LRP4: variants seen among roughly 807,000 people sequenced by gnomAD.
The protein encoded by LRP4 is low-density lipoprotein receptor-related protein 4.
A neutral mutation model predicts 220.3 loss-of-function variants in LRP4; 95 were observed. The observed-to-expected ratio is 0.43, with a 90% CI of 0.37 to 0.51. LRP4 has a LOEUF of 0.51. Ranked by LOEUF, LRP4 falls within the 20% of genes least tolerant of loss-of-function variation. LRP4 has a pLI of 0.00. For synonymous variants in LRP4, 903 were observed against 954.6 expected (o/e 0.95, Z 1.00); for missense variants, 1,925 against 2,567.0 (o/e 0.75, Z 5.40).
In LRP4 at chr11:46,888,390, C is replaced by T. The variant is rs183008447; in HGVS notation, c.2215+1021G>A. ...CCAACATGGAGAAACCCCGTCCCTACTAAAAATACAAAATTAGCCAGGTGT... is the reference window on the plus strand; with the variant it reads ...CCAACATGGAGAAACCCCGTCCCTATTAAAAATACAAAATTAGCCAGGTGT... On this transcript the variant is annotated intron_variant, in intron 16 of 37. Coordinates refer to ENST00000378623, the MANE Select transcript of LRP4 (RefSeq NM_002334.4). 6.5e-4 allele frequency among the ~76,000 whole-genome samples: 98 copies of T among 151,426 alleles called. 3 individuals are homozygous for T. The highest frequency in any genetic ancestry group is 2.4e-4 in the Non-Finnish European group (16 of 67,844).
chr11:46,916,735 C>T (rs568200988), intron 1 of LRP4, among the ~76,000 whole-genome samples: 63 of 152,110 alleles, frequency 4.1e-4, no homozygotes, highest in African/African-American at 1.4e-3. Flanking sequence ...TTGCCATTTC[C>T]CTTGATCTTT....
rs1321374132 is a variant in LRP4 at position 46,890,084 on chromosome 11, T to C, written c.1952A>G (p.Asp651Gly). The C allele has an allele frequency of 6.2e-7, 1 of 1,614,078 alleles. No individual in the cohort carries two copies. Among genetic ancestry groups the C allele is most frequent in the East Asian group, 2.2e-5 (1 of 44,866 alleles). Residue 651 changes from aspartate to glycine, a missense_variant, in exon 15 of 38, where the codon GAC becomes GGC. By Grantham distance (94) the Asp-to-Gly change is moderately conservative. Transcript: ENST00000378623. This position sits in a 1 kb window ranked among gnomAD's most constrained non-coding sequence, Gnocchi z 5.3. ...PHPFAITVFEDSLYWTDWHTK... is the reference protein window; with the variant it reads ...PHPFAITVFEGSLYWTDWHTK... ...GTGCCAGTCTGTCCAGTACAGGCTGTCTTCAAACACTGTGATGGCGAAGGG... is the reference window on the plus strand; with the variant it reads ...GTGCCAGTCTGTCCAGTACAGGCTGCCTTCAAACACTGTGATGGCGAAGGG...
chr11:46,869,520 T>C (rs996263661), intron 31 of LRP4, among the ~76,000 whole-genome samples: 1 of 152,154 alleles, frequency 6.6e-6, no homozygotes, highest in Non-Finnish European at 1.5e-5. Flanking sequence ...CTCTAGCAAA[T>C]AGGAGGAAAT....
intron 37 of LRP4, among the ~76,000 whole-genome samples, chr11:46,860,764 A>G (rs1227427448): frequency 6.6e-6 from 1 of 152,186 alleles, no homozygotes; most frequent in Non-Finnish European, 1.5e-5. Flanking sequence ...AAACACACAG[A>G]TGTCTGTTCA....
intron 37 of LRP4, among the ~76,000 whole-genome samples, chr11:46,859,957 G>A (rs997361345): frequency 4.6e-5 from 7 of 152,044 alleles, no homozygotes; most frequent in Admixed American, 4.6e-4. Context: ...TTATCTGGCC[G>A]GGCGTGGTGG....
At chr11:46,902,318 C>T (rs935048130) in intron 2 of LRP4, among the ~76,000 whole-genome samples, 1 of 150,124 alleles carries the variant, frequency 6.7e-6, no homozygotes, top group African/African-American at 2.5e-5. Flanking sequence ...TAGACTGTGC[C>T]CCTGCACTCC....
At chr11:46,872,677 C>G (rs1940902850) in intron 30 of LRP4, among the ~76,000 whole-genome samples, 1 of 151,606 alleles carries the variant, frequency 6.6e-6, no homozygotes, top group Non-Finnish European at 1.5e-5. Flanking sequence ...CAGGGAGGTT[C>G]AGGCTGCAGA....
chr11:46,894,574 G>A lies in LRP4; in HGVS notation c.1540+15C>T. On this transcript the variant is annotated intron_variant, in intron 12 of 37. Coordinates refer to ENST00000378623, the MANE Select transcript of LRP4 (RefSeq NM_002334.4). ...GGCATGGCTCTGCCCCTCTCCATGG[G>A]GCCTTGTTCCCTACCTGGGCTCTCC... 2 of 1,582,180 alleles carry A rather than the reference G, an allele frequency of 1.3e-6. No homozygotes were observed. Among genetic ancestry groups the A allele is most frequent in the Non-Finnish European group, 1.7e-6 (2 of 1,161,562 alleles).
rs1941002779 is a variant in LRP4, at chr11:46,875,937, T to G, written c.3566A>C (p.Asn1189Thr). Reference sequence around the variant, plus strand: ...CATTCCGGACCGCTCTAACTTGGCATTCTCCCCCCAGTCTGTCCAGTACAT... The same window carrying G: ...CATTCCGGACCGCTCTAACTTGGCAGTCTCCCCCCAGTCTGTCCAGTACAT... ...GFMYWTDWGE[N>T]AKLERSGMDG... is the part of the protein sequence containing the mutation. The change falls in exon 26 of 38, where the codon AAT becomes ACT. Residue 1189 changes from asparagine (N) to threonine (T), a missense_variant. Asn to Thr is a moderately conservative substitution (Grantham distance 65). This residue lies in a region of LRP4 where 1,244 missense variants were observed against 1,624.9 expected (regional missense o/e 0.77). Coordinates refer to ENST00000378623, the MANE Select transcript of LRP4 (RefSeq NM_002334.4). This position sits in a 1 kb window ranked among gnomAD's most constrained non-coding sequence, Gnocchi z 4.5. 6.2e-7 allele frequency: 1 copy of G among 1,614,004 alleles called. No homozygotes were observed. The highest frequency in any genetic ancestry group is 8.5e-7 in the Non-Finnish European group (1 of 1,180,024).
chr11:46,906,692 A>G (rs1642778255), intron 1 of LRP4, among the ~76,000 whole-genome samples: 1 of 152,184 alleles, frequency 6.6e-6, no homozygotes, highest in South Asian at 2.1e-4. Flanking sequence ...ATGAAAAGTC[A>G]TACTGGTAGG....
intron 1 of LRP4, among the ~76,000 whole-genome samples, chr11:46,904,480 C>CATGGATGGATGGATGG (rs60333801): frequency 1.3e-5 from 2 of 151,134 alleles, no homozygotes; most frequent in East Asian, 2.0e-4. Flanking sequence ...GCCTGCAATG[C>CATGGATGGATGGATGG]ATGGATGGAT....
At chr11:46,886,863 A>G (rs1161436279) in intron 16 of LRP4, among the ~76,000 whole-genome samples, 1 of 151,976 alleles carries the variant, frequency 6.6e-6, no homozygotes, top group African/African-American at 2.4e-5. Context: ...CCTGACCCCT[A>G]CTTCCCTGAT....
Position 46,896,905 on chromosome 11 carries a change from C to A in LRP4, c.886G>T (p.Ala296Ser). The A allele has an allele frequency of 1.2e-6, 2 of 1,614,254 alleles. No individual in the cohort carries two copies. The highest frequency in any genetic ancestry group is 1.7e-6 in the Non-Finnish European group (2 of 1,180,042). ...SWRCDGEDDC[A>S]DNSDEENCEN... ...CAGTTCTCTTCATCGCTGTTGTCTG[C>A]ACAGTCGTCCTCCCCATCACAGCGC... Residue 296 changes from alanine to serine, a missense_variant, in exon 8 of 38, where the codon GCA (alanine) becomes TCA (serine). Coordinates refer to ENST00000378623, the MANE Select transcript of LRP4 (RefSeq NM_002334.4).
chr11:46,899,786 C>T lies in LRP4; in HGVS notation c.430+77G>A. ...AGTTGGAGGTTTGGCAGTGCTAGGGCCATTGCTGCTATCTTCTCCCATGGC... is the reference window on the plus strand; with the variant it reads ...AGTTGGAGGTTTGGCAGTGCTAGGGTCATTGCTGCTATCTTCTCCCATGGC... On this transcript the variant is annotated intron_variant, in intron 4 of 37. Transcript: ENST00000378623. The surrounding 1 kb of genome is among the most constrained non-coding windows in gnomAD (Gnocchi z 5.9). 1 of 1,185,104 alleles carries T rather than the reference C, an allele frequency of 8.4e-7. No homozygotes were observed. Among genetic ancestry groups the T allele is most frequent in the Non-Finnish European group, 1.3e-6 (1 of 795,522 alleles). The allele number at this position is 1,185,104 out of a possible 1,614,324, so 73.4% of individuals were successfully genotyped here.
Position 46,873,425 on chromosome 11 carries a change from G to A in LRP4, c.4398C>T (p.Ile1466=), listed in dbSNP as rs1565781150. 1 of 1,614,146 alleles carries A rather than the reference G, an allele frequency of 6.2e-7. No homozygotes were observed. Among genetic ancestry groups the A allele is most frequent in the Non-Finnish European group, 8.5e-7 (1 of 1,180,040 alleles). The change falls in exon 29 of 38, where the codon ATC becomes ATT. Residue 1466 remains isoleucine, a synonymous_variant. Coordinates refer to ENST00000378623, the MANE Select transcript of LRP4 (RefSeq NM_002334.4). The surrounding 1 kb of genome is among the most constrained non-coding windows in gnomAD (Gnocchi z 4.2). ...RLDGSCRKVL[I]NNSLDEPRAI... Reference sequence around the variant, plus strand: ...CCCGGGGCTCATCCAGGCTATTGTTGATCAGTACTTTGCGGCAGGAACCAT... The same window carrying A: ...CCCGGGGCTCATCCAGGCTATTGTTAATCAGTACTTTGCGGCAGGAACCAT...
At chr11:46,878,449 T>C (rs1941071331) in intron 22 of LRP4, among the ~76,000 whole-genome samples, 1 of 152,006 alleles carries the variant, frequency 6.6e-6, no homozygotes, top group Non-Finnish European at 1.5e-5. Context: ...AATTTTTGTA[T>C]TTTCAGTAGA....
In LRP4 at chr11:46,879,151, A is replaced by G. The variant is rs774586500; in HGVS notation, c.2979T>C (p.His993=). The change falls in exon 21 of 38, where the codon CAT becomes CAC. Residue 993 remains histidine, a synonymous_variant. Transcript: ENST00000378623. The part of the protein sequence containing the change: ...QENLENLMDI[H]VFHRRRPPVS... ...CTGGGGGCCGGCGGCGGTGGAAGACATGGATGTCCATTAGGTTTTCCAGGT... is the reference window on the plus strand; with the variant it reads ...CTGGGGGCCGGCGGCGGTGGAAGACGTGGATGTCCATTAGGTTTTCCAGGT... 4 of 1,614,226 alleles carry G rather than the reference A, an allele frequency of 2.5e-6. No homozygotes were observed. The highest frequency in any genetic ancestry group is 2.5e-6 in the Non-Finnish European group (3 of 1,180,036).
chr11:46,865,137 C>A lies in LRP4; in HGVS notation c.5137G>T (p.Ala1713Ser). 2 of 1,562,996 alleles carry A rather than the reference C, an allele frequency of 1.3e-6. No homozygotes were observed. The highest frequency in any genetic ancestry group is 1.2e-5 in the South Asian group (1 of 84,712). ...RLGLCARSND[A>S]VPAAPGEGLH... ...GGCTTACCTGGAGCAGCAGGAACAG[C>A]GTCATTGGAACGTGCACAGAGGCCC... Residue 1713 changes from alanine (A) to serine (S), a missense_variant, in exon 35 of 38, where the codon GCT (alanine) becomes TCT (serine). Around this residue, in one of 3 missense-constraint regions of LRP4, gnomAD observed 1,244 missense variants for 1,624.9 expected, o/e 0.77. Coordinates refer to ENST00000378623, the MANE Select transcript of LRP4 (RefSeq NM_002334.4).
chr11:46,866,857 G>A (rs1940717913), intron 34 of LRP4, among the ~76,000 whole-genome samples: 4 of 152,020 alleles, frequency 2.6e-5, no homozygotes, highest in East Asian at 1.9e-4. Flanking sequence ...GAGGTCGAGG[G>A]TGCAGTGAGC....
Sources: gnomAD v4.1 joint callset for allele counts (sites outside exome capture counted in the v4.1 genomes callset) on GRCh38, gnomAD v4.1.1 for gene constraint, gnomAD v4.1.1 regional missense constraint, Gnocchi (gnomAD v3.1) non-coding constraint, MANE v1.5 for transcripts, NCBI Gene and HGNC (gene_info 2026-07-23, HGNC 2026-07-21) for gene names.